The following ERCC6 variants were observed in gnomAD, a reference collection of about 807,000 sequenced individuals.
ERCC6 encodes the protein ERCC excision repair 6, chromatin remodeling factor.
A neutral mutation model predicts 158.7 loss-of-function variants in ERCC6; 116 were observed. That is an observed-to-expected ratio of 0.73 (90% CI 0.63 to 0.85). The LOEUF (loss-of-function observed/expected upper bound fraction) is 0.85. Among genes scored for constraint, ERCC6 ranks in the 40% least tolerant of loss-of-function variants. The pLI is 0.00. For synonymous variants in ERCC6, 678 were observed against 659.3 expected (o/e 1.03, Z -0.43); for missense variants, 1,698 against 1,799.4 (o/e 0.94, Z 1.02).
intron 12 of ERCC6, among the ~76,000 whole-genome samples, chr10:49,474,694 G>C (rs1043714121): frequency 6.6e-6 from 1 of 152,090 alleles, no homozygotes; most frequent in Non-Finnish European, 1.5e-5. Context: ...AAGTTCTGCA[G>C]TTTAATATGA....
intron 18 of ERCC6, among the ~76,000 whole-genome samples, chr10:49,467,460 CCTAATAA>C (rs1850697474): frequency 2.0e-5 from 3 of 152,102 alleles, no homozygotes; most frequent in African/African-American, 7.2e-5. Context: ...TTGGCATTTC[CCTAATAA>C]CTAATAATAT....
chr10:49,471,963 G>C (rs1359952238), intron 16 of ERCC6, among the ~76,000 whole-genome samples: 2 of 152,048 alleles, frequency 1.3e-5, no homozygotes, highest in Non-Finnish European at 2.9e-5. Context: ...AGGGGCATCA[G>C]AGTCAAAGAC....
At chr10:49,516,440 T>C in intron 5 of ERCC6, 3 of 1,614,116 alleles carry the variant, frequency 1.9e-6, no homozygotes, top group East Asian at 2.2e-5. Context: ...AATTAGAAAA[T>C]ATAGTTTCAA....
At position 49,458,652 on chromosome 10, in the gene ERCC6, AAG is replaced by A; in HGVS notation, c.*161_*162del. Reference sequence around the variant, plus strand: ...TTATTAAAACTTTTAACTTTCAGAGAAGAGTTTCTTCTTCCTTAAAGTTTTAA... The same window carrying A: ...TTATTAAAACTTTTAACTTTCAGAGAAGTTTCTTCTTCCTTAAAGTTTTAA... On this transcript the variant is annotated 3_prime_UTR_variant, in exon 21 of 21. Transcript: ENST00000355832. 1.4e-6 allele frequency: 1 copy of A among 695,418 alleles called. No individual in the cohort carries two copies. The highest frequency in any genetic ancestry group is 2.4e-6 in the Non-Finnish European group (1 of 417,326). 43.1% of individuals were successfully genotyped at this position (695,418 alleles called of 1,614,324 possible). A position where few individuals can be genotyped will look rare whatever the true frequency, so the allele number is the denominator to read the frequency against.
At chr10:49,511,747 T>C (rs901801491) in intron 5 of ERCC6, among the ~76,000 whole-genome samples, 6 of 152,110 alleles carry the variant, frequency 3.9e-5, no homozygotes, top group Admixed American at 2.0e-4. Context: ...TTCTAACTCC[T>C]AAAGCCCGTC....
At chr10:49,538,419 T>C (rs1837653359) in intron 1 of ERCC6, among the ~76,000 whole-genome samples, 1 of 151,932 alleles carries the variant, frequency 6.6e-6, no homozygotes, top group Non-Finnish European at 1.5e-5. Context: ...GGATAATGGA[T>C]TGGAGGAGAC....
downstream of ERCC6, among the ~76,000 whole-genome samples, chr10:49,451,834 T>G (rs980200641): frequency 4.6e-5 from 7 of 152,212 alleles, no homozygotes; most frequent in African/African-American, 1.7e-4. Context: ...GATTGTTTGG[T>G]AGAACACAGT....
the ERCC6 span, among the ~76,000 whole-genome samples, chr10:49,439,781 C>T: frequency 1.3e-5 from 2 of 152,166 alleles, no homozygotes; most frequent in South Asian, 4.1e-4. Context: ...GAAATTTCTT[C>T]CGCTAGATAC....
At chr10:49,451,427 GTTCT>G (rs1425584385), downstream of ERCC6, among the ~76,000 whole-genome samples, 2 of 151,994 alleles carry the variant, frequency 1.3e-5, no homozygotes, top group African/African-American at 4.8e-5. Context: ...TTTCATAGAT[GTTCT>G]TTATCAGGTT....
Position 49,473,723 on chromosome 10 carries a change from C to T in ERCC6, c.2599-136G>A, listed in dbSNP as rs558438429. On this transcript the variant is annotated intron_variant, in intron 13 of 20. Transcript: ENST00000355832. ...AGTTTCTTGCTTTAGGACAGATAAA[C>T]AGAACTGTTAAAAGAGTATTTTTGG... is the stretch of plus-strand genomic sequence containing the variant. 2.2e-4 allele frequency: 160 copies of T among 739,190 alleles called. 1 individual carries two copies. The African/African-American group carries it at 2.4e-3, about 11-fold the overall frequency. The allele number at this position is 739,190 out of a possible 1,614,324, so 45.8% of individuals were successfully genotyped here.
intron 7 of ERCC6, among the ~76,000 whole-genome samples, chr10:49,495,466 C>T (rs1413346931): frequency 1.3e-5 from 2 of 152,012 alleles, no homozygotes; most frequent in Non-Finnish European, 2.9e-5. Context: ...TATACACTAC[C>T]CCTTCTATCT....
In ERCC6 at chr10:49,478,402, C is replaced by A; in HGVS notation, c.2238G>T (p.Met746Ile). 1 of 1,614,052 alleles carries A rather than the reference C, an allele frequency of 6.2e-7. No homozygotes were observed. The highest frequency in any genetic ancestry group is 1.6e-4 in the Middle Eastern group (1 of 6,062). Residue 746 changes from methionine to isoleucine, a missense_variant, in exon 11 of 21, where the codon ATG becomes ATT. Transcript: ENST00000355832. ...DTINPYLLRR[M>I]KSDVKMSLSL... ...AAAGGCTCATCTTGACATCTGACTTCATTCTCCGCAGTAGGTATGGATTTA... is the reference window on the plus strand; with the variant it reads ...AAAGGCTCATCTTGACATCTGACTTAATTCTCCGCAGTAGGTATGGATTTA...
In ERCC6 at chr10:49,471,138, A is replaced by C; in HGVS notation, c.2925-18T>G. 4 of 1,612,894 alleles carry C rather than the reference A, an allele frequency of 2.5e-6. No individual in the cohort carries two copies. The highest frequency in any genetic ancestry group is 3.4e-6 in the Non-Finnish European group (4 of 1,179,458). On this transcript the variant is annotated intron_variant, in intron 16 of 20. Coordinates refer to ENST00000355832, the MANE Select transcript of ERCC6 (RefSeq NM_000124.4). ...AGATTTGTCTAAAAAAATAAAAGAT[A>C]AGCTGGTATAAAACAATGTGTAGCT...
intron 8 of ERCC6, among the ~76,000 whole-genome samples, chr10:49,489,798 C>T (rs772952335): frequency 2.0e-5 from 3 of 152,198 alleles, no homozygotes; most frequent in Non-Finnish European, 2.9e-5. Flanking sequence ...GATGTCACCA[C>T]CTACTGTGAG....
chr10:49,501,528 A>G (rs577185241), intron 6 of ERCC6: 1 of 152,310 alleles, frequency 6.6e-6, no homozygotes, highest in Non-Finnish European at 1.5e-5. Flanking sequence ...TGTTTAATCT[A>G]TAACCTAAAA....
chr10:49,530,177 A>G (rs541277252), intron 3 of ERCC6, among the ~76,000 whole-genome samples: 7 of 152,208 alleles, frequency 4.6e-5, no homozygotes, highest in Non-Finnish European at 1.0e-4. Flanking sequence ...AGAAATGGTG[A>G]TGCAGGAAAA....
rs1205705497 is a variant in ERCC6 at position 49,532,909 on chromosome 10, T to C, written c.56A>G (p.Gln19Arg). ...SSQTQEQDCL[Q>R]SQPVSNNEEM... ...TTCATTATTACTGACAGGTTGACTCTGTAAACAGTCTTGCTCCTGAGTTTG... is the reference window on the plus strand; with the variant it reads ...TTCATTATTACTGACAGGTTGACTCCGTAAACAGTCTTGCTCCTGAGTTTG... Residue 19 changes from glutamine (Q) to arginine (R), a missense_variant, in exon 2 of 21, where the codon CAG (glutamine) becomes CGG (arginine). Coordinates refer to ENST00000355832, the MANE Select transcript of ERCC6 (RefSeq NM_000124.4). The C allele has an allele frequency of 9.9e-6, 16 of 1,614,136 alleles. No homozygotes were observed. The East Asian group carries it at 1.8e-4, about 18-fold the overall frequency.
chr10:49,509,826 A>G (rs1387932400), intron 5 of ERCC6, among the ~76,000 whole-genome samples: 2 of 152,164 alleles, frequency 1.3e-5, no homozygotes, highest in Non-Finnish European at 1.5e-5. Context: ...GAAAACAAAT[A>G]ACTTTTTCAT....
intron 1 of ERCC6, among the ~76,000 whole-genome samples, chr10:49,536,701 T>G (rs1837607111): frequency 6.6e-6 from 1 of 152,146 alleles, no homozygotes; most frequent in South Asian, 2.1e-4. Context: ...TCCCCAGCCC[T>G]GCAAAGCCAT....
Sources: allele counts gnomAD v4.1 joint callset (sites outside exome capture counted in the v4.1 genomes callset), GRCh38; gene constraint gnomAD v4.1.1; transcripts MANE v1.5; gene names NCBI Gene and HGNC (gene_info 2026-07-23, HGNC 2026-07-21).